KCNB2: variants seen among roughly 807,000 people sequenced by gnomAD.
KCNB2 encodes the protein potassium voltage-gated channel subfamily B member 2, also known as delayed rectifier potassium channel protein.
Under a neutral mutation model 61.5 loss-of-function variants are expected in KCNB2, and 15 were observed. The ratio of observed to expected loss-of-function variants is 0.24; its 90% CI spans 0.16 to 0.38. The LOEUF (loss-of-function observed/expected upper bound fraction) is 0.38, where lower values mean the gene tolerates loss of function less well. Ranked by LOEUF, KCNB2 falls within the 10% of genes least tolerant of loss-of-function variation. KCNB2 has a pLI of 1.00. For missense variants in KCNB2, 828 were observed against 1,125.2 expected (o/e 0.74, Z 3.78); for synonymous variants, 457 against 446.0 (o/e 1.02, Z -0.31).
chr8:72,593,025 T>C (rs1382975822), intron 2 of KCNB2, among the ~76,000 whole-genome samples: 1 of 152,196 alleles, frequency 6.6e-6, no homozygotes, highest in Admixed American at 6.5e-5. Context: ...TAGACTTTTA[T>C]TTTAGGCTTC....
intron 2 of KCNB2, among the ~76,000 whole-genome samples, chr8:72,843,728 T>C (rs1000427991): frequency 2.0e-5 from 3 of 152,154 alleles, no homozygotes; most frequent in African/African-American, 7.2e-5. Flanking sequence ...GTTGGTTTAA[T>C]GTCTGTTTTA....
intron 2 of KCNB2, among the ~76,000 whole-genome samples, chr8:72,934,477 T>G (rs1806860509): frequency 7.2e-6 from 1 of 139,474 alleles, no homozygotes; most frequent in Admixed American, 7.3e-5. Flanking sequence ...AGTGGAGAAA[T>G]TTAGAGAGAT....
chr8:72,750,204 G>T (rs2128995548), intron 2 of KCNB2: 1 of 152,086 alleles, frequency 6.6e-6, no homozygotes, highest in South Asian at 2.1e-4. Flanking sequence ...TATCTATTTT[G>T]TTACATGTCA....
chr8:72,907,367 A>G (rs987699273), intron 2 of KCNB2, among the ~76,000 whole-genome samples: 1 of 152,054 alleles, frequency 6.6e-6, no homozygotes, highest in Admixed American at 6.6e-5. Context: ...AAAAACAAAA[A>G]ACAAAAACAA....
intron 2 of KCNB2, among the ~76,000 whole-genome samples, chr8:72,787,101 T>C (rs1264457928): frequency 6.6e-6 from 1 of 151,946 alleles, no homozygotes; most frequent in African/African-American, 2.4e-5. Flanking sequence ...ACACAGGGAG[T>C]AAACTGTGAA....
intron 1 of KCNB2, among the ~76,000 whole-genome samples, chr8:72,563,044 T>C (rs1018567492): frequency 2.6e-5 from 4 of 152,126 alleles, no homozygotes; most frequent in African/African-American, 9.7e-5. Flanking sequence ...GAAACATTCA[T>C]GATGTTCTGA....
chr8:72,817,900 A>AT (rs1809429145), intron 2 of KCNB2, among the ~76,000 whole-genome samples: 1 of 152,172 alleles, frequency 6.6e-6, no homozygotes, highest in Non-Finnish European at 1.5e-5. Flanking sequence ...TAAATAAATA[A>AT]TTTCTACTAC....
chr8:72,847,887 C>T (rs1162771175), intron 2 of KCNB2, among the ~76,000 whole-genome samples: 1 of 152,028 alleles, frequency 6.6e-6, no homozygotes, highest in Non-Finnish European at 1.5e-5. Flanking sequence ...TATAAATAGC[C>T]CCTCCCAGAG....
At chr8:72,804,869 T>A (rs767656872) in intron 2 of KCNB2, among the ~76,000 whole-genome samples, 2 of 152,162 alleles carry the variant, frequency 1.3e-5, no homozygotes, top group Non-Finnish European at 2.9e-5. Context: ...AGGATTGGAC[T>A]GAGTGAGAGA....
chr8:72,870,463 CTTCTAA>C (rs1805599008), intron 2 of KCNB2, among the ~76,000 whole-genome samples: 1 of 152,088 alleles, frequency 6.6e-6, no homozygotes, highest in Admixed American at 6.5e-5. Flanking sequence ...AGTCATTTTT[CTTCTAA>C]TTCTAACTGA....
At chr8:72,549,731 C>T (rs910359918) in intron 1 of KCNB2, among the ~76,000 whole-genome samples, 3 of 152,212 alleles carry the variant, frequency 2.0e-5, no homozygotes, top group Non-Finnish European at 4.4e-5. Context: ...TCCTTCACCA[C>T]ACGCCTGTGT....
chr8:72,646,597 T>G (rs1015747468), intron 2 of KCNB2, among the ~76,000 whole-genome samples: 5 of 152,150 alleles, frequency 3.3e-5, no homozygotes, highest in African/African-American at 1.2e-4. Context: ...CTCGAGGACA[T>G]TGTGTTGCGT....
At chr8:72,894,411 A>T (rs1805953573) in intron 2 of KCNB2, among the ~76,000 whole-genome samples, 1 of 152,172 alleles carries the variant, frequency 6.6e-6, no homozygotes, top group East Asian at 1.9e-4. Flanking sequence ...TGTGAGAGGA[A>T]GCCCTTGGAG....
intron 2 of KCNB2, among the ~76,000 whole-genome samples, chr8:72,614,535 T>C (rs1385784299): frequency 6.6e-6 from 1 of 152,178 alleles, no homozygotes; most frequent in East Asian, 1.9e-4. Flanking sequence ...AAATGGGGGA[T>C]TGAGCGCAGC....
chr8:72,842,145 G>T (rs6472706), intron 2 of KCNB2, among the ~76,000 whole-genome samples: 129,730 of 152,124 alleles, frequency 0.85, 56,284 homozygotes, highest in Middle Eastern at 0.97. Context: ...TAGCTTGAAG[G>T]GGTGTTGAAT....
intron 2 of KCNB2, among the ~76,000 whole-genome samples, chr8:72,620,805 A>T (rs1805703321): frequency 6.6e-6 from 1 of 151,958 alleles, no homozygotes; most frequent in Non-Finnish European, 1.5e-5. Flanking sequence ...ACGGGGTTTC[A>T]CCACGTTGGC....
chr8:72,827,833 G>A, intron 2 of KCNB2, among the ~76,000 whole-genome samples: 1 of 148,308 alleles, frequency 6.7e-6, no homozygotes, highest in Non-Finnish European at 1.5e-5. Flanking sequence ...TTTTTTTTGA[G>A]ATGGAGTCTC....
At chr8:72,578,844 C>G (rs991839995) in intron 2 of KCNB2, among the ~76,000 whole-genome samples, 1 of 152,312 alleles carries the variant, frequency 6.6e-6, no homozygotes, top group East Asian at 1.9e-4. Flanking sequence ...CTTTGATGAG[C>G]TTTTCTCCCC....
chr8:72,723,606 A>G (rs1391095755), intron 2 of KCNB2, among the ~76,000 whole-genome samples: 1 of 152,094 alleles, frequency 6.6e-6, no homozygotes, highest in Non-Finnish European at 1.5e-5. Context: ...CTCTGTTGTC[A>G]TGTTGGTAGC....
Sources: gnomAD v4.1 joint callset for allele counts (sites outside exome capture counted in the v4.1 genomes callset) on GRCh38, gnomAD v4.1.1 for gene constraint, MANE v1.5 for transcripts, NCBI Gene and HGNC (gene_info 2026-07-23, HGNC 2026-07-21) for gene names.